Variants in FILIP1 observed in about 807,000 individuals in gnomAD.
FILIP1 encodes filamin-A-interacting protein 1.
A neutral mutation model predicts 102.1 loss-of-function variants in FILIP1; 61 were observed. The observed-to-expected ratio is 0.60, with a 90% CI of 0.49 to 0.74. The LOEUF (loss-of-function observed/expected upper bound fraction) is 0.74. Among genes scored for constraint, FILIP1 ranks in the 30% least tolerant of loss-of-function variants. The pLI is 0.00. For synonymous variants in FILIP1, 491 were observed against 526.9 expected, an observed-to-expected ratio of 0.93 and a Z score of 0.93; for missense variants, 1,314 against 1,441.2, an observed-to-expected ratio of 0.91 and a Z score of 1.43.
chr6:75,415,676 A>C (rs1777244002), intron 1 of FILIP1, among the ~76,000 whole-genome samples: 1 of 152,076 alleles, frequency 6.6e-6, no homozygotes, highest in Non-Finnish European at 1.5e-5. Flanking sequence ...TTTTAAAATC[A>C]GGTCTTTTAA....
chr6:75,380,345 G>C (rs768814194), intron 2 of FILIP1, among the ~76,000 whole-genome samples: 2 of 137,728 alleles, frequency 1.5e-5, no homozygotes, highest in Non-Finnish European at 3.4e-5. Flanking sequence ...TAAATAGACA[G>C]TTCACTAAAG....
At chr6:75,366,603 A>T (rs1775345704) in intron 2 of FILIP1, among the ~76,000 whole-genome samples, 1 of 152,206 alleles carries the variant, frequency 6.6e-6, no homozygotes, top group African/African-American at 2.4e-5. Flanking sequence ...TTAAAATCAG[A>T]TGTAAATATA....
intron 4 of FILIP1, among the ~76,000 whole-genome samples, chr6:75,336,756 C>T (rs531046302): frequency 6.6e-6 from 1 of 152,244 alleles, no homozygotes; most frequent in East Asian, 1.9e-4. Flanking sequence ...TTTTCCCTCC[C>T]TGTTTAATAC....
intron 1 of FILIP1, among the ~76,000 whole-genome samples, chr6:75,469,156 A>G (rs1165606571): frequency 2.0e-5 from 3 of 152,054 alleles, no homozygotes; most frequent in Non-Finnish European, 2.9e-5. Context: ...GGAATTTTTA[A>G]AGTAACAATG....
chr6:75,393,901 C>A (rs1776366649), intron 2 of FILIP1, among the ~76,000 whole-genome samples: 1 of 152,164 alleles, frequency 6.6e-6, no homozygotes, highest in African/African-American at 2.4e-5. Context: ...GACAATGTTG[C>A]TCCAGTAGTA....
intron 1 of FILIP1, among the ~76,000 whole-genome samples, chr6:75,452,470 G>A (rs1778667434): frequency 6.6e-6 from 1 of 152,006 alleles, no homozygotes; most frequent in Non-Finnish European, 1.5e-5. Flanking sequence ...AGTATTCCAT[G>A]GTGTATATGT....
intron 4 of FILIP1, chr6:75,319,098 T>C (rs1031234876): frequency 1.7e-5 from 12 of 726,162 alleles, no homozygotes; most frequent in African/African-American, 5.2e-5. Context: ...CCTCTTCATC[T>C]TCCTCCTCTT....
At chr6:75,390,070 T>C (rs1415678145) in intron 2 of FILIP1, among the ~76,000 whole-genome samples, 3 of 152,124 alleles carry the variant, frequency 2.0e-5, no homozygotes, top group African/African-American at 7.2e-5. Flanking sequence ...ATTTAATTAG[T>C]CTGGGATATG....
chr6:75,355,934 C>T lies in FILIP1; in HGVS notation c.451-2217G>A, dbSNP rs566233554. ...GCTGAGGCCAGATACATCTTCATTTCGGGGTGCTGTGAGCTGGAGGATGTT... is the reference window on the plus strand; with the variant it reads ...GCTGAGGCCAGATACATCTTCATTTTGGGGTGCTGTGAGCTGGAGGATGTT... On this transcript the variant is annotated intron_variant, in intron 3 of 5. Coordinates refer to ENST00000237172, the MANE Select transcript of FILIP1 (RefSeq NM_015687.5). Among the ~76,000 whole-genome samples, 16 of 152,252 alleles carry T rather than the reference C, an allele frequency of 1.1e-4. No homozygotes were observed. The South Asian group carries it at 1.2e-3, about 12-fold the overall frequency.
At chr6:75,362,591 A>G (rs1158582924) in intron 3 of FILIP1, among the ~76,000 whole-genome samples, 153 bp downstream of exon 3, 3 of 152,210 alleles carry the variant, frequency 2.0e-5, no homozygotes, top group African/African-American at 7.2e-5. Flanking sequence ...ATCCACTATA[A>G]CCCTTGACTT....
intron 4 of FILIP1, among the ~76,000 whole-genome samples, chr6:75,318,922 A>C (rs1773538276): frequency 1.3e-5 from 2 of 152,158 alleles, no homozygotes; most frequent in African/African-American, 4.8e-5. Context: ...CAGTTTAAAA[A>C]ATCTTACACA....
At chr6:75,448,566 AC>A (rs1485140530) in intron 1 of FILIP1, among the ~76,000 whole-genome samples, 2 of 152,102 alleles carry the variant, frequency 1.3e-5, no homozygotes, top group African/African-American at 4.8e-5. Flanking sequence ...TAAATACACA[AC>A]CCACAGAGTG....
chr6:75,409,604 G>A (rs529219437), intron 2 of FILIP1, among the ~76,000 whole-genome samples: 19 of 152,132 alleles, frequency 1.2e-4, no homozygotes, highest in Admixed American at 2.6e-4. Context: ...ACGAAACTAG[G>A]ATTATGGGAG....
At chr6:75,469,226 A>C (rs1413905914) in intron 1 of FILIP1, among the ~76,000 whole-genome samples, 1 of 152,062 alleles carries the variant, frequency 6.6e-6, no homozygotes, top group Non-Finnish European at 1.5e-5. Flanking sequence ...AGGAATACTT[A>C]AGTAAAATTA....
intron 3 of FILIP1, among the ~76,000 whole-genome samples, chr6:75,359,163 G>C (rs765821036): frequency 6.6e-6 from 1 of 152,002 alleles, no homozygotes; most frequent in Non-Finnish European, 1.5e-5. Context: ...CCGCCACCAC[G>C]CCTGGCTAAG....
intron 1 of FILIP1, among the ~76,000 whole-genome samples, chr6:75,434,920 C>T (rs1174392219): frequency 1.3e-5 from 2 of 152,196 alleles, no homozygotes; most frequent in Non-Finnish European, 2.9e-5. Context: ...TTGTCGAAGG[C>T]CTTTTTGCAT....
At position 75,313,107 on chromosome 6, in the gene FILIP1, G is replaced by C; in HGVS notation, c.2725C>G (p.Pro909Ala). ...EVVLSPKQGQ[P>A]LHIRVTPDHE... ...TCTGGTGTCACTCGAATATGCAGGGGCTGGCCCTGCTTTGGTGAAAGGACT... is the reference window on the plus strand; with the variant it reads ...TCTGGTGTCACTCGAATATGCAGGGCCTGGCCCTGCTTTGGTGAAAGGACT... Residue 909 changes from proline to alanine, a missense_variant, in exon 5 of 6, where the codon CCC (proline) becomes GCC (alanine). By Grantham distance (27) the Pro-to-Ala change is conservative (BLOSUM62 -1). Coordinates refer to ENST00000237172, the MANE Select transcript of FILIP1 (RefSeq NM_015687.5). The surrounding 1 kb of genome is among the most constrained non-coding windows in gnomAD (Gnocchi z 4.2). The C allele has an allele frequency of 6.2e-7, 1 of 1,614,182 alleles. No individual in the cohort carries two copies. Among genetic ancestry groups the C allele is most frequent in the Non-Finnish European group, 8.5e-7 (1 of 1,180,046 alleles).
At chr6:75,471,219 A>T (rs1268674857) in intron 1 of FILIP1, among the ~76,000 whole-genome samples, 1 of 150,940 alleles carries the variant, frequency 6.6e-6, no homozygotes, top group Non-Finnish European at 1.5e-5. Context: ...CAACCACAGG[A>T]GTATAAAAGT....
In FILIP1 at chr6:75,353,589, G is replaced by A. The variant is rs1774885125; in HGVS notation, c.579C>T (p.Tyr193=). The part of the protein sequence containing the change: ...LENEKHKHTD[Y]MNKSDDFTNL... The stretch of plus-strand genomic sequence containing the variant: ...TGGTGAAGTCGTCGCTCTTGTTCAT[G>A]TAGTCAGTGTGTTTATGCTTCTCGT... Residue 193 remains tyrosine, a synonymous_variant, in exon 4 of 6, where the codon TAC becomes TAT. Transcript: ENST00000237172. 1 of 1,614,078 alleles carries A rather than the reference G, an allele frequency of 6.2e-7. No individual in the cohort carries two copies. Among genetic ancestry groups the A allele is most frequent in the Admixed American group, 1.7e-5 (1 of 59,994 alleles).
Sources: gnomAD v4.1 joint callset for allele counts (sites outside exome capture counted in the v4.1 genomes callset) on GRCh38, gnomAD v4.1.1 for gene constraint, Gnocchi (gnomAD v3.1) non-coding constraint, MANE v1.5 for transcripts, NCBI Gene and HGNC (gene_info 2026-07-23, HGNC 2026-07-21) for gene names.